AKAP9: variants seen among roughly 807,000 people sequenced by gnomAD.
AKAP9 encodes the protein A-kinase anchoring protein 9, also known as A-kinase anchor protein 9.
A neutral mutation model predicts 488.5 loss-of-function variants in AKAP9; 311 were observed. That is an observed-to-expected ratio of 0.64 (90% CI 0.58 to 0.70). AKAP9 has a LOEUF of 0.70. AKAP9 is among the 30% of genes least tolerant of loss of function. The pLI is 0.00. For missense variants in AKAP9, 4,215 were observed against 4,374.5 expected (o/e 0.96, Z 1.03); for synonymous variants, 1,462 against 1,483.5 (o/e 0.99, Z 0.33).
At chr7:92,042,232 A>T (rs778011817) in intron 19 of AKAP9, 46 bp downstream of exon 19, 2 of 1,611,618 alleles carry the variant, frequency 1.2e-6, no homozygotes, top group South Asian at 2.2e-5. Flanking sequence ...TCACCAATTC[A>T]GTAGGATTTG....
At chr7:91,947,199 G>A (rs949336031) in intron 1 of AKAP9, among the ~76,000 whole-genome samples, 2 of 150,828 alleles carry the variant, frequency 1.3e-5, no homozygotes, top group Non-Finnish European at 3.0e-5. Flanking sequence ...TGTGTGTGCT[G>A]GAGAGAGGGA....
intron 20 of AKAP9, chr7:92,043,399 C>T (rs764029174): frequency 8.1e-6 from 7 of 862,086 alleles, no homozygotes; most frequent in African/African-American, 1.8e-5. Flanking sequence ...AGAGTTACCA[C>T]GGCAATATAA....
At chr7:92,084,178 A>G (rs1257392536) in intron 33 of AKAP9, among the ~76,000 whole-genome samples, 2 of 152,210 alleles carry the variant, frequency 1.3e-5, no homozygotes, top group African/African-American at 4.8e-5. Context: ...ATGGCTACAT[A>G]GTATTCCATG....
chr7:92,080,581 CAG>C (rs565805862), intron 31 of AKAP9, among the ~76,000 whole-genome samples: 1 of 148,120 alleles, frequency 6.8e-6, no homozygotes, highest in Non-Finnish European at 1.5e-5. Context: ...ACCTGGGTGA[CAG>C]AGCGAGACTC....
chr7:92,013,335 G>T (rs1801045833), intron 9 of AKAP9, among the ~76,000 whole-genome samples: 1 of 152,118 alleles, frequency 6.6e-6, no homozygotes, highest in African/African-American at 2.4e-5. Context: ...TAGAATTGAG[G>T]TGTAAGGGTA....
chr7:92,039,512 T>A (rs1805715217), intron 17 of AKAP9, among the ~76,000 whole-genome samples: 2 of 152,360 alleles, frequency 1.3e-5, no homozygotes, highest in South Asian at 4.1e-4. Context: ...AATTCTTGAT[T>A]TATGTACTTA....
chr7:92,095,953 C>T (rs1816494792), intron 40 of AKAP9, among the ~76,000 whole-genome samples: 1 of 151,874 alleles, frequency 6.6e-6, no homozygotes, highest in Admixed American at 6.6e-5. Flanking sequence ...CGTTATAAGC[C>T]CTATTATTTT....
At chr7:91,952,334 G>A (rs1792362660) in intron 1 of AKAP9, among the ~76,000 whole-genome samples, 1 of 152,170 alleles carries the variant, frequency 6.6e-6, no homozygotes, top group Non-Finnish European at 1.5e-5. Context: ...AAGATGATAG[G>A]ATATGAGAGA....
At position 91,971,821 on chromosome 7, in the gene AKAP9, G is replaced by A. The variant is rs113083183; in HGVS notation, c.49-1890G>A. On this transcript the variant is annotated intron_variant, in intron 1 of 49. Coordinates refer to ENST00000356239, the MANE Select transcript of AKAP9 (RefSeq NM_005751.5). ...CCTGACCTCGTGATCCTCCCGCCTCGGCTTCCCAAAGTGCTGGGATTACAG... is the reference window on the plus strand; with the variant it reads ...CCTGACCTCGTGATCCTCCCGCCTCAGCTTCCCAAAGTGCTGGGATTACAG... 8.0e-3 allele frequency among the ~76,000 whole-genome samples: 1,214 copies of A among 151,288 alleles called. 9 individuals are homozygous for A. The highest frequency in any genetic ancestry group is 0.014 in the Middle Eastern group (4 of 292).
At chr7:92,016,325 A>T in intron 11 of AKAP9, 58 bp downstream of exon 11, 1 of 1,226,958 alleles carries the variant, frequency 8.2e-7, no homozygotes, top group Non-Finnish European at 1.1e-6. Context: ...TTAATTGATG[A>T]CAGATTTTTA....
intron 1 of AKAP9, among the ~76,000 whole-genome samples, chr7:91,949,503 TA>T (rs1422648789): frequency 2.0e-5 from 3 of 152,212 alleles, no homozygotes; most frequent in Non-Finnish European, 4.4e-5. Flanking sequence ...GAGAAAAAAG[TA>T]ACTTAGTGTT....
At chr7:91,975,921 G>GTTTTT (rs1186917564) in intron 2 of AKAP9, among the ~76,000 whole-genome samples, 2 of 111,694 alleles carry the variant, frequency 1.8e-5, no homozygotes, top group African/African-American at 3.5e-5. Context: ...TTGTTTGTTT[G>GTTTTT]TTTGTTTTTT....
intron 45 of AKAP9, among the ~76,000 whole-genome samples, 161 bp from the exon 46 acceptor site, chr7:92,102,433 C>G (rs1817688277): frequency 6.9e-6 from 1 of 145,250 alleles, no homozygotes; most frequent in African/African-American, 2.5e-5. Flanking sequence ...GTGATAGGAA[C>G]CTGCCGTTTT....
intron 46 of AKAP9, among the ~76,000 whole-genome samples, chr7:92,103,946 T>C (rs1818072604): frequency 6.6e-6 from 1 of 152,042 alleles, no homozygotes; most frequent in African/African-American, 2.4e-5. Flanking sequence ...TTGTTCTTTC[T>C]CTAGTAATTC....
chr7:91,950,762 ATCT>A (rs1230300229), intron 1 of AKAP9, among the ~76,000 whole-genome samples: 1 of 152,172 alleles, frequency 6.6e-6, no homozygotes. Context: ...AAATTAGTAG[ATCT>A]TCTTCTAAAT....
Position 92,031,612 on chromosome 7 carries a change from T to G in AKAP9, c.4338+8T>G. ...GAAGAAGAAGTAGCTAAGGTAGGCT[T>G]ATAGCTTATCTGGAAGATTATCTTG... On this transcript the variant is annotated splice_region_variant and intron_variant, in intron 16 of 49. Transcript: ENST00000356239. 6.3e-7 allele frequency: 1 copy of G among 1,576,840 alleles called. No homozygotes were observed. The highest frequency in any genetic ancestry group is 8.7e-7 in the Non-Finnish European group (1 of 1,146,712).
intron 22 of AKAP9, among the ~76,000 whole-genome samples, chr7:92,055,312 C>G (rs976122093): frequency 6.6e-6 from 1 of 151,998 alleles, no homozygotes; most frequent in African/African-American, 2.4e-5. Flanking sequence ...TAACTGCAAT[C>G]AAAATACTGA....
At chr7:92,062,217 T>C (rs1289204532) in intron 23 of AKAP9, 57 bp from the exon 24 acceptor site, 7 of 1,449,000 alleles carry the variant, frequency 4.8e-6, no homozygotes, top group Non-Finnish European at 5.8e-6. Context: ...TATTAAAACC[T>C]AGTGGTTGAA....
intron 14 of AKAP9, among the ~76,000 whole-genome samples, chr7:92,027,681 GCC>G (rs1803537991): frequency 6.9e-6 from 1 of 144,844 alleles, no homozygotes; most frequent in Non-Finnish European, 1.5e-5. Flanking sequence ...TGTGAGGAGC[GCC>G]TCTGCCTGGC....
Sources: allele counts gnomAD v4.1 joint callset (sites outside exome capture counted in the v4.1 genomes callset), GRCh38; gene constraint gnomAD v4.1.1; transcripts MANE v1.5; gene names NCBI Gene and HGNC (gene_info 2026-07-23, HGNC 2026-07-21).